The following PRKCH variants were observed in gnomAD, a reference collection of about 807,000 sequenced individuals.
PRKCH encodes protein kinase C eta.
PRKCH carries 28 observed loss-of-function variants against 82.5 expected under a neutral mutation model. The ratio of observed to expected loss-of-function variants is 0.34; its 90% confidence interval spans 0.25 to 0.47. PRKCH has a LOEUF of 0.47. Among genes scored for constraint, PRKCH ranks in the 20% least tolerant of loss-of-function variants. The pLI, the probability that PRKCH is intolerant of heterozygous loss-of-function variation, is 1.00. For synonymous variants in PRKCH, 322 were observed against 327.4 expected (o/e 0.98, Z 0.18); for missense variants, 705 against 881.8 (o/e 0.80, Z 2.54).
At chr14:61,319,402 A>G (rs930234785), upstream of PRKCH, among the ~76,000 whole-genome samples, 3 of 151,996 alleles carry the variant, frequency 2.0e-5, no homozygotes, top group African/African-American at 7.2e-5. Context: ...TGGGACTGTA[A>G]GCCCCAGGAG....
At chr14:61,369,211 C>T (rs561925767) in intron 1 of PRKCH, among the ~76,000 whole-genome samples, 26 of 152,074 alleles carry the variant, frequency 1.7e-4, no homozygotes, top group Admixed American at 3.3e-4. Context: ...TCAGTATCAC[C>T]GGGAGGGTTT....
chr14:61,431,397 C>G (rs1008841523), intron 2 of PRKCH, among the ~76,000 whole-genome samples: 2 of 152,236 alleles, frequency 1.3e-5, no homozygotes, highest in South Asian at 2.1e-4. Context: ...ACTTGGCCCT[C>G]TTCCACGTGT....
At chr14:61,261,946 G>T (rs142657082) in intron 1 of PRKCH, among the ~76,000 whole-genome samples, 2 of 152,010 alleles carry the variant, frequency 1.3e-5, no homozygotes, top group African/African-American at 2.4e-5. Flanking sequence ...GCAGCACCGG[G>T]CACGGTAGCT....
chr14:61,250,017 T>C (rs2044928841), intron 1 of PRKCH, among the ~76,000 whole-genome samples: 1 of 149,500 alleles, frequency 6.7e-6, no homozygotes, highest in Admixed American at 6.7e-5. Flanking sequence ...CCCAGCACTT[T>C]GGGAGGCCGA....
At chr14:61,448,993 C>T (rs1884359120) in intron 4 of PRKCH, among the ~76,000 whole-genome samples, 171 bp from the exon 5 acceptor site, 1 of 152,080 alleles carries the variant, frequency 6.6e-6, no homozygotes, top group South Asian at 2.1e-4. Context: ...GAGCAAAGGT[C>T]TGTGTTAGGA....
chr14:61,243,158 G>A (rs1314129177), intron 1 of PRKCH, among the ~76,000 whole-genome samples: 1 of 152,030 alleles, frequency 6.6e-6, no homozygotes, highest in South Asian at 2.1e-4. Flanking sequence ...ACTTTGGGAG[G>A]TCAAGGTGGG....
intron 1 of PRKCH, among the ~76,000 whole-genome samples, chr14:61,349,867 T>TA (rs1235364404): frequency 2.1e-4 from 31 of 146,914 alleles, no homozygotes; most frequent in Admixed American, 2.0e-4. Flanking sequence ...TCTCAGAAAA[T>TA]AAAAAAAAAA....
intron 12 of PRKCH, among the ~76,000 whole-genome samples, chr14:61,539,869 G>A (rs2043160071): frequency 6.6e-6 from 1 of 152,226 alleles, no homozygotes; most frequent in Admixed American, 6.5e-5. Context: ...ATGACACAAT[G>A]CTGTTCCTGC....
chr14:61,438,416 GA>G (rs1321547098), intron 2 of PRKCH, among the ~76,000 whole-genome samples: 2 of 152,184 alleles, frequency 1.3e-5, no homozygotes, highest in Non-Finnish European at 2.9e-5. Flanking sequence ...TGCCATGCCA[GA>G]AATTTTCTCT....
At position 61,547,855 on chromosome 14, in the gene PRKCH, G is replaced by A. The variant is rs2043278815; in HGVS notation, c.1874G>A (p.Arg625His). ...KEIDWAQLNHRQIEPPFRPRI... is the reference protein window; with the variant it reads ...KEIDWAQLNHHQIEPPFRPRI... ...ATCGACTGGGCCCAGCTGAACCATCGCCAAATAGAACCGCCTTTCAGACCC... is the reference window on the plus strand; with the variant it reads ...ATCGACTGGGCCCAGCTGAACCATCACCAAATAGAACCGCCTTTCAGACCC... The change falls in exon 13 of 14, where the codon CGC becomes CAC. Residue 625 changes from arginine to histidine, a missense_variant. This residue lies in a region of PRKCH where 91 missense variants were observed against 81.2 expected (regional missense o/e 1.12). Transcript: ENST00000332981. 12 of 1,613,390 alleles carry A rather than the reference G, an allele frequency of 7.4e-6. No homozygotes were observed. The highest frequency in any genetic ancestry group is 1.1e-5 in the South Asian group (1 of 90,992).
intron 9 of PRKCH, among the ~76,000 whole-genome samples, chr14:61,479,870 A>G (rs531671155): frequency 7.6e-4 from 115 of 152,260 alleles, no homozygotes; most frequent in Admixed American, 2.9e-3. Context: ...CCTGTAACTC[A>G]CACCAGGTGT....
intron 10 of PRKCH, among the ~76,000 whole-genome samples, chr14:61,502,156 C>T (rs1886947680): frequency 1.3e-5 from 2 of 149,512 alleles, no homozygotes; most frequent in Non-Finnish European, 3.0e-5. Context: ...CCTCCACCTC[C>T]CAGGTTCAAG....
chr14:61,216,538 C>T (rs1317017249), intron 1 of PRKCH, among the ~76,000 whole-genome samples: 2 of 152,030 alleles, frequency 1.3e-5, no homozygotes, highest in Non-Finnish European at 2.9e-5. Context: ...AAATAAGAAG[C>T]AGCTGTGGAC....
intron 1 of PRKCH, among the ~76,000 whole-genome samples, chr14:61,284,777 GA>G (rs986221119): frequency 6.6e-6 from 1 of 151,886 alleles, no homozygotes; most frequent in Non-Finnish European, 1.5e-5. Context: ...CAAAGGAAAA[GA>G]AAAAAGGCAT....
At chr14:61,257,631 C>CACACACACACA (rs2045010075) in intron 1 of PRKCH, among the ~76,000 whole-genome samples, 3 of 42,212 alleles carry the variant, frequency 7.1e-5, no homozygotes, top group South Asian at 1.2e-3. Context: ...ACACACACAC[C>CACACACACACA]CCCACACACA....
chr14:61,311,399 C>A (rs1163891131), intron 1 of PRKCH, among the ~76,000 whole-genome samples: 2 of 152,324 alleles, frequency 1.3e-5, no homozygotes, highest in South Asian at 2.1e-4. Flanking sequence ...TCAATAAGTT[C>A]CTCATCTCCA....
intron 2 of PRKCH, among the ~76,000 whole-genome samples, chr14:61,429,676 T>C (rs184434624): frequency 2.0e-3 from 309 of 152,244 alleles, no homozygotes; most frequent in Middle Eastern, 0.01. Context: ...ACAAGACCCA[T>C]TCTAAAGACG....
intron 1 of PRKCH, chr14:61,354,037 A>G (rs1219140934): frequency 1.3e-5 from 2 of 152,246 alleles, no homozygotes; most frequent in Non-Finnish European, 2.9e-5. Context: ...AGGCTATACA[A>G]TAATTTAACG....
At chr14:61,440,976 G>A (rs1012334973) in intron 2 of PRKCH, among the ~76,000 whole-genome samples, 1 of 150,816 alleles carries the variant, frequency 6.6e-6, no homozygotes, top group Non-Finnish European at 1.5e-5. Flanking sequence ...GAAGTGCAGA[G>A]GTGCAATCAT....
Sources: allele counts gnomAD v4.1 joint callset (sites outside exome capture counted in the v4.1 genomes callset), GRCh38; gene constraint gnomAD v4.1.1; regional missense constraint gnomAD v4.1.1; transcripts MANE v1.5; gene names NCBI Gene and HGNC (gene_info 2026-07-23, HGNC 2026-07-21).